The following ZAR1L variants were observed in gnomAD, a reference collection of about 807,000 sequenced individuals.
The protein encoded by ZAR1L is protein ZAR1-like.
In ZAR1L, 16 loss-of-function variants were observed where a neutral mutation model predicts 30.0. The ratio of observed to expected loss-of-function variants is 0.53; its 90% CI spans 0.36 to 0.81. The LOEUF is 0.81. Among genes scored for constraint, ZAR1L ranks in the 30% least tolerant of loss-of-function variants. ZAR1L has a pLI of 0.00. For synonymous variants in ZAR1L, 197 were observed against 166.8 expected, an observed-to-expected ratio of 1.18 and a Z score of -1.40; for missense variants, 392 against 417.2, an observed-to-expected ratio of 0.94 and a Z score of 0.53.
chr13:32,314,808 C>T (rs1469782195), intron 1 of ZAR1L, among the ~76,000 whole-genome samples: 1 of 152,042 alleles, frequency 6.6e-6, no homozygotes, highest in Non-Finnish European at 1.5e-5. Context: ...GCGGAGATTG[C>T]GCCATTGCAC....
intron 5 of ZAR1L, among the ~76,000 whole-genome samples, chr13:32,307,638 A>G (rs2032471): frequency 2.0e-5 from 3 of 151,412 alleles, no homozygotes; most frequent in Non-Finnish European, 4.4e-5. Context: ...ATTAAAAAAA[A>G]TTCAAGCGAA....
At chr13:32,312,808 G>A (rs2072224118) in intron 2 of ZAR1L, among the ~76,000 whole-genome samples, 1 of 152,100 alleles carries the variant, frequency 6.6e-6, no homozygotes. Flanking sequence ...AACCCGGGAG[G>A]CAAAGGTTGC....
In ZAR1L at chr13:32,311,491, C is replaced by T. The variant is rs1478831591; in HGVS notation, c.435G>A (p.Leu145=). Residue 145 remains leucine (L), a synonymous_variant, in exon 3 of 6, where the codon CTG becomes CTA. Transcript: ENST00000533490. Reference sequence around the variant, plus strand: ...TCTCCGCTTCGTCCCCATCTCTCCGCAGGCGGATCAAGCCCCTGCGGCCGG... The same window carrying T: ...TCTCCGCTTCGTCCCCATCTCTCCGTAGGCGGATCAAGCCCCTGCGGCCGG... ...PATGRRGLIR[L]RRDGDEAESK... is the part of the protein sequence containing the mutation. 1 of 1,545,224 alleles carries T rather than the reference C, an allele frequency of 6.5e-7. No individual in the cohort carries two copies. Among genetic ancestry groups the T allele is most frequent in the Non-Finnish European group, 8.7e-7 (1 of 1,146,038 alleles).
Position 32,311,443 on chromosome 13 carries a change from C to T in ZAR1L, c.483G>A (p.Ala161=). 2 of 1,548,184 alleles carry T rather than the reference C, an allele frequency of 1.3e-6. No homozygotes were observed. Among genetic ancestry groups the T allele is most frequent in the Admixed American group, 2.0e-5 (1 of 51,000 alleles). Residue 161 remains alanine (A), a synonymous_variant, in exon 3 of 6, where the codon GCG becomes GCA. Coordinates refer to ENST00000533490, the MANE Select transcript of ZAR1L (RefSeq NM_001136571.2). Reference sequence around the variant, plus strand: ...ATGGTGGCTGCGGCTGGCTGGCCTCCGCAGGGCCCGGGAGCGCCTTGCTCT... The same window carrying T: ...ATGGTGGCTGCGGCTGGCTGGCCTCTGCAGGGCCCGGGAGCGCCTTGCTCT... ...EAESKALPGP[A]EASQPQPPSR...
chr13:32,311,775 C>A lies in ZAR1L; in HGVS notation c.151G>T (p.Val51Leu). Residue 51 changes from valine to leucine, a missense_variant, in exon 3 of 6, where the codon GTG (valine) becomes TTG (leucine). Physicochemically the swap from Val to Leu is conservative, Grantham distance 32. Transcript: ENST00000533490. ...CAGTAGTCAGGGGCGTTCGCGGGCA[C>A]CAGCAGCCCTGGCCTGGCCAGAAAA... ...PTFLARPGLLVPANAPDYCID... is the reference protein window; with the variant it reads ...PTFLARPGLLLPANAPDYCID... 5.2e-6 allele frequency: 8 copies of A among 1,551,730 alleles called. No homozygotes were observed. Among genetic ancestry groups the A allele is most frequent in the Non-Finnish European group, 6.1e-6 (7 of 1,147,022 alleles).
At chr13:32,311,233 G>A (rs755172137) in intron 3 of ZAR1L, 39 bp downstream of exon 3, 1 of 1,503,698 alleles carries the variant, frequency 6.7e-7, no homozygotes. Context: ...GAGGGGATGA[G>A]GCTGGTCGAG....
chr13:32,308,580 A>C, intron 5 of ZAR1L, 106 bp downstream of exon 5: 1 of 762,520 alleles, frequency 1.3e-6, no homozygotes, highest in Non-Finnish European at 2.2e-6. Flanking sequence ...AACATACAGA[A>C]CACTCACATA....
chr13:32,315,041 A>G (rs2072240172), intron 1 of ZAR1L, among the ~76,000 whole-genome samples: 1 of 152,102 alleles, frequency 6.6e-6, no homozygotes, highest in Admixed American at 6.6e-5. Context: ...AGCCCCGCCC[A>G]CTACCACTAA....
chr13:32,304,126 C>T (rs1320550181), intron 5 of ZAR1L, 104 bp from the exon 6 acceptor site: 3 of 1,242,504 alleles, frequency 2.4e-6, no homozygotes, highest in Non-Finnish European at 3.2e-6. Flanking sequence ...TCCCTGAAAC[C>T]TTCATCCTCT....
chr13:32,307,246 G>A (rs989870116), intron 5 of ZAR1L, among the ~76,000 whole-genome samples: 4 of 152,208 alleles, frequency 2.6e-5, no homozygotes, highest in Middle Eastern at 3.4e-3. Flanking sequence ...GCTTACGCCT[G>A]TAATCCCAGC....
At chr13:32,308,992 A>AT (rs35160937) in intron 4 of ZAR1L, among the ~76,000 whole-genome samples, 15,210 of 144,474 alleles carry the variant, frequency 0.11, 1,254 homozygotes, top group African/African-American at 0.22. Flanking sequence ...ATTGGAATAC[A>AT]TTTTTTTTTT....
rs1040715502 is a variant in ZAR1L at position 32,311,933 on chromosome 13, C to G, written c.-8G>C. 1.2e-5 allele frequency: 18 copies of G among 1,539,528 alleles called. No individual in the cohort carries two copies. Among genetic ancestry groups the G allele is most frequent in the Non-Finnish European group, 1.6e-5 (18 of 1,140,452 alleles). ...ACGGACAAAGCGCTCCATCCGCTCT[C>G]AGGTGCTCAGGCGCAGTCTAATATC... is the stretch of plus-strand genomic sequence containing the variant. On this transcript the variant is annotated 5_prime_UTR_variant, in exon 3 of 6. Coordinates refer to ENST00000533490, the MANE Select transcript of ZAR1L (RefSeq NM_001136571.2).
In ZAR1L at chr13:32,311,353, G is replaced by T; in HGVS notation, c.573C>A (p.Asp191Glu). 3 of 1,550,950 alleles carry T rather than the reference G, an allele frequency of 1.9e-6. No individual in the cohort carries two copies. The highest frequency in any genetic ancestry group is 2.6e-6 in the Non-Finnish European group (3 of 1,146,964). The change falls in exon 3 of 6, where the codon GAC becomes GAA. Residue 191 changes from aspartate to glutamate, a missense_variant. Transcript: ENST00000533490. ...PGQLEESGEK[D>E]APCPQETKSK... ...TCTTCGTCTCCTGAGGGCACGGGGC[G>T]TCTTTCTCCCCCGATTCCTCCAGCT...
intron 4 of ZAR1L, 88 bp from the exon 5 acceptor site, chr13:32,308,848 A>G: frequency 3.3e-6 from 3 of 899,280 alleles, no homozygotes; most frequent in Non-Finnish European, 5.2e-6. Flanking sequence ...AATCCATTGC[A>G]TCTTGCTTTT....
rs1593876568 is a variant in ZAR1L, at chr13:32,311,759, G to A, written c.167C>T (p.Pro56Leu). 6.4e-7 allele frequency: 1 copy of A among 1,551,678 alleles called. No homozygotes were observed. Among genetic ancestry groups the A allele is most frequent in the Non-Finnish European group, 8.7e-7 (1 of 1,147,008 alleles). The change falls in exon 3 of 6, where the codon CCT becomes CTT. Residue 56 changes from proline (P) to leucine (L), a missense_variant. Pro to Leu is a moderately conservative substitution (Grantham distance 98). Coordinates refer to ENST00000533490, the MANE Select transcript of ZAR1L (RefSeq NM_001136571.2). Reference sequence around the variant, plus strand: ...CTTGTAAGGGTCAATGCAGTAGTCAGGGGCGTTCGCGGGCACCAGCAGCCC... The same window carrying A: ...CTTGTAAGGGTCAATGCAGTAGTCAAGGGCGTTCGCGGGCACCAGCAGCCC... The part of the protein sequence containing the change: ...RPGLLVPANA[P>L]DYCIDPYKRA...
At chr13:32,306,760 G>A (rs907447620) in intron 5 of ZAR1L, among the ~76,000 whole-genome samples, 1 of 151,902 alleles carries the variant, frequency 6.6e-6, no homozygotes, top group Non-Finnish European at 1.5e-5. Flanking sequence ...GAGAAACCCT[G>A]TCTATACTAA....
chr13:32,313,418 G>A (rs949792393), intron 2 of ZAR1L, among the ~76,000 whole-genome samples: 2 of 152,246 alleles, frequency 1.3e-5, no homozygotes, highest in Admixed American at 6.5e-5. Context: ...CCAGGCAGGA[G>A]TGCAGTGGCA....
intron 4 of ZAR1L, among the ~76,000 whole-genome samples, chr13:32,308,991 C>T (rs2072194620): frequency 8.0e-6 from 1 of 124,426 alleles, no homozygotes; most frequent in Non-Finnish European, 1.7e-5. Flanking sequence ...AATTGGAATA[C>T]ATTTTTTTTT....
At chr13:32,310,557 G>T in intron 4 of ZAR1L, 82 bp downstream of exon 4, 2 of 943,468 alleles carry the variant, frequency 2.1e-6, no homozygotes, top group Non-Finnish European at 3.3e-6. Context: ...TGACAGCCAT[G>T]CTCCCTCAGG....
Sources: allele counts gnomAD v4.1 joint callset (sites outside exome capture counted in the v4.1 genomes callset), GRCh38; gene constraint gnomAD v4.1.1; transcripts MANE v1.5; gene names NCBI Gene and HGNC (gene_info 2026-07-23, HGNC 2026-07-21).